The following ZEB1 variants were observed in gnomAD, a reference collection of about 807,000 sequenced individuals.
ZEB1 encodes the protein zinc finger E-box binding homeobox 1, also known as zinc finger E-box-binding homeobox 1.
Under a neutral mutation model 84.9 loss-of-function variants are expected in ZEB1, and 21 were observed. The observed-to-expected ratio is 0.25, with a 90% CI of 0.18 to 0.36. The LOEUF is 0.36. Ranked by LOEUF, ZEB1 falls within the 10% of genes least tolerant of loss-of-function variation. ZEB1 has a pLI of 1.00. For synonymous variants in ZEB1, 420 were observed against 471.1 expected (o/e 0.89, Z 1.41); for missense variants, 1,104 against 1,330.2 (o/e 0.83, Z 2.65).
intron 1 of ZEB1, among the ~76,000 whole-genome samples, chr10:31,356,621 C>T (rs1044801995): frequency 2.0e-5 from 3 of 152,160 alleles, no homozygotes; most frequent in African/African-American, 4.8e-5. Context: ...AAACAGACTT[C>T]ACAGAATTCC....
chr10:31,481,330 C>G (rs2065016529), intron 2 of ZEB1, among the ~76,000 whole-genome samples: 2 of 151,920 alleles, frequency 1.3e-5, no homozygotes, highest in African/African-American at 4.8e-5. Flanking sequence ...TGCCTACTAA[C>G]AAGACATGAA....
chr10:31,451,446 G>T (rs965908902), intron 1 of ZEB1, among the ~76,000 whole-genome samples: 2 of 151,874 alleles, frequency 1.3e-5, no homozygotes, highest in African/African-American at 2.4e-5. Context: ...AGTACTTTCC[G>T]CATTTGTATT....
At chr10:31,365,239 C>A (rs534718395) in intron 1 of ZEB1, among the ~76,000 whole-genome samples, 2 of 152,286 alleles carry the variant, frequency 1.3e-5, no homozygotes, top group South Asian at 4.1e-4. Flanking sequence ...TAAAATATGA[C>A]AAACATAATT....
intron 1 of ZEB1, among the ~76,000 whole-genome samples, chr10:31,407,548 A>G (rs1394114582): frequency 1.3e-5 from 2 of 152,030 alleles, no homozygotes; most frequent in South Asian, 2.1e-4. Flanking sequence ...TAATGCCGCA[A>G]TAAACATACG....
chr10:31,422,642 A>C (rs1395172078), intron 1 of ZEB1, among the ~76,000 whole-genome samples: 1 of 152,100 alleles, frequency 6.6e-6, no homozygotes, highest in African/African-American at 2.4e-5. Flanking sequence ...TTTTCAAAAA[A>C]TCTATATTTC....
chr10:31,468,245 C>A (rs1185681444), intron 2 of ZEB1, among the ~76,000 whole-genome samples: 1 of 151,750 alleles, frequency 6.6e-6, no homozygotes, highest in Non-Finnish European at 1.5e-5. Context: ...TGGGATGGGA[C>A]CACTGAGAGC....
chr10:31,513,449 A>G (rs986527569), intron 5 of ZEB1, among the ~76,000 whole-genome samples: 8 of 152,224 alleles, frequency 5.3e-5, no homozygotes, highest in African/African-American at 9.7e-5. Context: ...AATATCAAAT[A>G]AGCAGTTGGT....
intron 1 of ZEB1, among the ~76,000 whole-genome samples, chr10:31,454,923 A>C (rs1193088930): frequency 6.6e-6 from 1 of 152,206 alleles, no homozygotes; most frequent in Non-Finnish European, 1.5e-5. Flanking sequence ...TTTAAACATC[A>C]TGTGGAACCA....
chr10:31,341,414 T>TCA (rs1214750874), intron 1 of ZEB1, among the ~76,000 whole-genome samples: 3 of 152,046 alleles, frequency 2.0e-5, no homozygotes, highest in Non-Finnish European at 4.4e-5. Context: ...CTAGCTGAGG[T>TCA]GATTCCAGGG....
intron 2 of ZEB1, among the ~76,000 whole-genome samples, chr10:31,494,808 G>A (rs190102685): frequency 6.1e-4 from 92 of 152,032 alleles, no homozygotes; most frequent in Non-Finnish European, 1.2e-3. Flanking sequence ...TGTCCAAAAA[G>A]TATGCATTTA....
chr10:31,405,538 G>C (rs566474612), intron 1 of ZEB1, among the ~76,000 whole-genome samples: 2 of 152,054 alleles, frequency 1.3e-5, no homozygotes, highest in Admixed American at 6.6e-5. Context: ...ATTGTTTCTT[G>C]CCTTTATAGT....
rs773789763 is a variant in ZEB1 at position 31,521,228 on chromosome 10, G to A, written c.1896G>A (p.Lys632=). Residue 632 remains lysine (K), a synonymous_variant, in exon 7 of 9, where the codon AAG becomes AAA. Transcript: ENST00000424869. ...PLDVVKKWFE[K]MQAGQISVQS... is the part of the protein sequence containing the mutation. ...ATGTAGTAAAAAAGTGGTTTGAAAA[G>A]ATGCAAGCTGGACAGATTTCAGTGC... 6.7e-5 allele frequency: 108 copies of A among 1,614,094 alleles called. 2 individuals are homozygous for A. In the South Asian group the frequency reaches 1.2e-3, roughly 18 times the overall value.
At chr10:31,393,897 C>T (rs943970149) in intron 1 of ZEB1, among the ~76,000 whole-genome samples, 19 of 152,128 alleles carry the variant, frequency 1.2e-4, no homozygotes, top group African/African-American at 4.6e-4. Context: ...ATCATTTATA[C>T]TGGAGTACTT....
At chr10:31,463,677 T>C (rs1310779506) in intron 2 of ZEB1, among the ~76,000 whole-genome samples, 1 of 152,164 alleles carries the variant, frequency 6.6e-6, no homozygotes, top group African/African-American at 2.4e-5. Context: ...CTTTGAGAAG[T>C]AGTAACCACA....
intron 1 of ZEB1, chr10:31,321,559 G>C: frequency 6.2e-7 from 1 of 1,613,984 alleles, no homozygotes; most frequent in Non-Finnish European, 8.5e-7. Context: ...AGAGCTGTTC[G>C]CTTTTTACCT....
chr10:31,347,446 A>G (rs2040507714), intron 1 of ZEB1, among the ~76,000 whole-genome samples: 1 of 152,138 alleles, frequency 6.6e-6, no homozygotes, highest in African/African-American at 2.4e-5. Flanking sequence ...CCTGGGTTCA[A>G]GTGATCCTCC....
intron 1 of ZEB1, among the ~76,000 whole-genome samples, chr10:31,448,947 G>C (rs370285638): frequency 3.3e-5 from 5 of 151,550 alleles, no homozygotes; most frequent in Non-Finnish European, 7.4e-5. Flanking sequence ...CCACCCAGTT[G>C]GAGCTTCCTG....
intron 1 of ZEB1, among the ~76,000 whole-genome samples, chr10:31,338,848 A>G (rs1026979515): frequency 7.2e-5 from 11 of 152,188 alleles, no homozygotes; most frequent in African/African-American, 2.7e-4. Flanking sequence ...ATAAGAGTTT[A>G]ACAGTAGCGT....
chr10:31,374,057 T>C (rs911042603), intron 1 of ZEB1, among the ~76,000 whole-genome samples: 3 of 151,920 alleles, frequency 2.0e-5, no homozygotes, highest in African/African-American at 7.2e-5. Flanking sequence ...TTAAGATTGA[T>C]GTTTATCTGA....
Sources: gnomAD v4.1 joint callset for allele counts (sites outside exome capture counted in the v4.1 genomes callset) on GRCh38, gnomAD v4.1.1 for gene constraint, MANE v1.5 for transcripts, NCBI Gene and HGNC (gene_info 2026-07-23, HGNC 2026-07-21) for gene names.